The following RNMT variants were observed in gnomAD, a reference collection of about 807,000 sequenced individuals.
RNMT encodes the protein mRNA cap guanine-N(7) methyltransferase.
RNMT carries 27 observed loss-of-function variants against 56.0 expected under a neutral mutation model. The ratio of observed to expected loss-of-function variants is 0.48; its 90% CI spans 0.36 to 0.67. The LOEUF (loss-of-function observed/expected upper bound fraction) is 0.67, where lower values mean the gene tolerates loss of function less well. Ranked by LOEUF, RNMT falls within the 30% of genes least tolerant of loss-of-function variation. The pLI, the probability that RNMT is intolerant of heterozygous loss-of-function variation, is 0.00. For synonymous variants in RNMT, 184 were observed against 176.2 expected (o/e 1.04, Z -0.35); for missense variants, 519 against 552.1 (o/e 0.94, Z 0.60).
rs768178325 is a variant in RNMT at position 13,749,824 on chromosome 18, G to A, written c.1258-2502G>A. On this transcript the variant is annotated intron_variant, in intron 9 of 11. Coordinates refer to ENST00000383314, the MANE Select transcript of RNMT (RefSeq NM_003799.3). ...TGGCACACTGCAACCCCTTCCCCCC[G>A]ACCCTTCTCCCCCAGCCTCACCTAA... 2.3e-4 allele frequency among the ~76,000 whole-genome samples: 30 copies of A among 130,214 alleles called. No individual in the cohort carries two copies. The East Asian group carries it at 2.6e-3, about 11-fold the overall frequency. 85.4% of individuals were successfully genotyped at this position (130,214 alleles called of 152,430 possible).
At chr18:13,730,092 AG>A (rs1384271686) in intron 1 of RNMT, among the ~76,000 whole-genome samples, 1 of 152,230 alleles carries the variant, frequency 6.6e-6, no homozygotes, top group Non-Finnish European at 1.5e-5. Context: ...GCCCAGCGAA[AG>A]CTTAACATTT....
chr18:13,742,366 A>C (rs4239313), intron 7 of RNMT, 122 bp from the exon 8 acceptor site: 692,987 of 777,522 alleles, frequency 0.89, 309,763 homozygotes, highest in African/African-American at 0.98. Flanking sequence ...TAGCCCAGAT[A>C]TAATTAAAAG....
intron 7 of RNMT, 106 bp from the exon 8 acceptor site, chr18:13,742,382 T>C: frequency 1.1e-6 from 1 of 926,338 alleles, no homozygotes; most frequent in Non-Finnish European, 1.6e-6. Flanking sequence ...AAAAGGCTAA[T>C]CAAGTGTGCA....
intron 10 of RNMT, among the ~76,000 whole-genome samples, chr18:13,753,637 G>A (rs1263415725): frequency 6.6e-6 from 1 of 151,486 alleles, no homozygotes; most frequent in Non-Finnish European, 1.5e-5. Flanking sequence ...TAGGCGTGGT[G>A]GCGGGCACCT....
intron 10 of RNMT, 58 bp from the exon 11 acceptor site, chr18:13,754,056 G>T: frequency 1.1e-6 from 1 of 915,932 alleles, no homozygotes. Flanking sequence ...TTAGAAATAA[G>T]CATATGTTTA....
Position 13,761,850 on chromosome 18 carries a change from TC to T in RNMT, c.*1877del. On this transcript the variant is annotated 3_prime_UTR_variant, in exon 12 of 12. Transcript: ENST00000383314. ...CTTCCTCCACCACCCTACACCCCCC[TC>T]CCCCCGGCCCCAAGCCCCTGTGTCT... 8 of 340,604 alleles carry T rather than the reference TC, an allele frequency of 2.3e-5. No homozygotes were observed. The highest frequency in any genetic ancestry group is 6.0e-5 in the South Asian group (1 of 16,614). The allele number at this position is 340,604 out of a possible 1,614,324, so 21.1% of individuals were successfully genotyped here. A position where few individuals can be genotyped will look rare whatever the true frequency, so the allele number is the denominator to read the frequency against.
At chr18:13,736,895 G>A in intron 4 of RNMT, 115 bp from the exon 5 acceptor site, 3 of 804,608 alleles carry the variant, frequency 3.7e-6, no homozygotes, top group South Asian at 2.1e-5. Flanking sequence ...AAATGGATGT[G>A]TAATAGTTTA....
At chr18:13,752,129 T>A (rs6505839) in intron 9 of RNMT, among the ~76,000 whole-genome samples, 197 bp from the exon 10 acceptor site, 129,377 of 151,794 alleles carry the variant, frequency 0.85, 55,206 homozygotes, top group East Asian at 0.95. Context: ...GTATAATATT[T>A]AAAAAAAATT....
In RNMT at chr18:13,737,052, T is replaced by C. The variant is rs763004358; in HGVS notation, c.596T>C (p.Ile199Thr). 1 of 1,613,488 alleles carries C rather than the reference T, an allele frequency of 6.2e-7. No individual in the cohort carries two copies. Among genetic ancestry groups the C allele is most frequent in the South Asian group, 1.1e-5 (1 of 90,974 alleles). ...GTACGACAGAAGAAAAAACGTGATA[T>C]CACTGTTTTGGACCTGGGATGTGGT... is the stretch of plus-strand genomic sequence containing the variant. ...EKVRQKKKRD[I>T]TVLDLGCGKG... is the part of the protein sequence containing the mutation. Residue 199 changes from isoleucine to threonine, a missense_variant, in exon 5 of 12, where the codon ATC becomes ACC. By Grantham distance (89) the Ile-to-Thr change is moderately conservative (BLOSUM62 -1). Coordinates refer to ENST00000383314, the MANE Select transcript of RNMT (RefSeq NM_003799.3).
intron 5 of RNMT, among the ~76,000 whole-genome samples, chr18:13,737,905 C>A (rs1221505664): frequency 6.7e-6 from 1 of 150,208 alleles, no homozygotes; most frequent in Non-Finnish European, 1.5e-5. Flanking sequence ...ATTAGAAAAT[C>A]ATAATTTTTT....
intron 4 of RNMT, 117 bp from the exon 5 acceptor site, chr18:13,736,893 G>A: frequency 1.3e-6 from 1 of 759,054 alleles, no homozygotes; most frequent in East Asian, 2.6e-5. Context: ...ATAAATGGAT[G>A]TGTAATAGTT....
chr18:13,733,566 T>C (rs769300487), intron 3 of RNMT, among the ~76,000 whole-genome samples: 11 of 152,088 alleles, frequency 7.2e-5, no homozygotes, highest in Non-Finnish European at 1.5e-4. Context: ...TTAGTAGAGA[T>C]AGGGTTTCAC....
chr18:13,758,941 G>A (rs2044585448), intron 11 of RNMT, among the ~76,000 whole-genome samples: 1 of 152,072 alleles, frequency 6.6e-6, no homozygotes, highest in South Asian at 2.1e-4. Flanking sequence ...GAGAGGCCAA[G>A]GAGAGGGAGG....
In RNMT at chr18:13,742,474, G is replaced by T. The variant is rs1251028761; in HGVS notation, c.975-14G>T. On this transcript the variant is annotated splice_polypyrimidine_tract_variant and intron_variant, in intron 7 of 11. Transcript: ENST00000383314. ...TTTAATCTTTTTATTTTGGTTGGGG[G>T]ATAACCTTGATAGAAGACGCCTTGA... The T allele has an allele frequency of 2.5e-6, 4 of 1,610,292 alleles. No individual in the cohort carries two copies. The highest frequency in any genetic ancestry group is 2.2e-5 in the East Asian group (1 of 44,768).
At chr18:13,740,387 A>ATTT in intron 6 of RNMT, 108 bp downstream of exon 6, 2 of 657,264 alleles carry the variant, frequency 3.0e-6, no homozygotes, top group Non-Finnish European at 5.2e-6. Context: ...ATTTACTCTT[A>ATTT]TTTTTTGAGA....
chr18:13,757,039 T>C (rs144839488), intron 11 of RNMT, among the ~76,000 whole-genome samples: 46 of 152,358 alleles, frequency 3.0e-4, no homozygotes, highest in African/African-American at 1.1e-3. Context: ...GTCACTCAGA[T>C]TTTTTGGTTT....
chr18:13,731,678 A>G lies in RNMT; in HGVS notation c.161A>G (p.Asp54Gly), dbSNP rs1317836620. The change falls in exon 3 of 12, where the codon GAC becomes GGC. Residue 54 changes from aspartate to glycine, a missense_variant. Transcript: ENST00000383314. ...SEKTSVCRQV[D>G]IARKRKEFED... ...AAGACTTCTGTCTGTAGGCAAGTAG[A>G]CATAGCAAGAAAGAGAAAAGAGTTT... The G allele has an allele frequency of 3.7e-6, 6 of 1,614,016 alleles. No homozygotes were observed. The African/African-American group carries it at 6.7e-5, about 18-fold the overall frequency.
At chr18:13,739,190 CAT>C (rs2044213375) in intron 5 of RNMT, among the ~76,000 whole-genome samples, 1 of 152,170 alleles carries the variant, frequency 6.6e-6, no homozygotes, top group Non-Finnish European at 1.5e-5. Flanking sequence ...TCAGAACAGT[CAT>C]ATCAGTACTG....
At chr18:13,744,652 GAGGATTAATTGA>G (rs1304364842) in intron 8 of RNMT, among the ~76,000 whole-genome samples, 1 of 152,152 alleles carries the variant, frequency 6.6e-6, no homozygotes, top group Non-Finnish European at 1.5e-5. Flanking sequence ...CCTTTCCAAG[GAGGATTAATTGA>G]AGTAACAGAA....
Sources: allele counts gnomAD v4.1 joint callset (sites outside exome capture counted in the v4.1 genomes callset), GRCh38; gene constraint gnomAD v4.1.1; transcripts MANE v1.5; gene names NCBI Gene and HGNC (gene_info 2026-07-23, HGNC 2026-07-21).